The following C1GALT1 variants were observed in gnomAD, a reference collection of about 807,000 sequenced individuals.
C1GALT1 encodes the protein core 1 synthase, glycoprotein-N-acetylgalactosamine 3-beta-galactosyltransferase 1, also known as glycoprotein-N-acetylgalactosamine 3-beta-galactosyltransferase 1.
C1GALT1 carries 11 observed loss-of-function variants against 31.0 expected under a neutral mutation model. That is an observed-to-expected ratio of 0.36 (90% CI 0.22 to 0.59). The LOEUF is 0.59. Ranked by LOEUF, C1GALT1 falls within the 20% of genes least tolerant of loss-of-function variation. The pLI is 0.79. For synonymous variants in C1GALT1, 175 were observed against 143.6 expected, an observed-to-expected ratio of 1.22 and a Z score of -1.56; for missense variants, 424 against 425.2, an observed-to-expected ratio of 1.00 and a Z score of 0.03.
chr7:7,235,638 T>C (rs985759692), intron 2 of C1GALT1, among the ~76,000 whole-genome samples: 1 of 152,306 alleles, frequency 6.6e-6, no homozygotes, highest in Admixed American at 6.5e-5. Flanking sequence ...TACATACTTG[T>C]CCAGCTCAGT....
intron 1 of C1GALT1, among the ~76,000 whole-genome samples, chr7:7,197,419 G>C (rs1232407159): frequency 6.6e-6 from 1 of 151,986 alleles, no homozygotes; most frequent in Non-Finnish European, 1.5e-5. Flanking sequence ...TTTTGTACCA[G>C]TACCATGCTG....
chr7:7,211,417 A>C (rs180991580), intron 1 of C1GALT1, among the ~76,000 whole-genome samples: 6 of 152,308 alleles, frequency 3.9e-5, no homozygotes, highest in Non-Finnish European at 8.8e-5. Context: ...AACCCAAAAA[A>C]AGTCCTAGCA....
intron 1 of C1GALT1, among the ~76,000 whole-genome samples, chr7:7,207,270 C>G (rs930443323): frequency 6.8e-6 from 1 of 146,008 alleles, no homozygotes; most frequent in Non-Finnish European, 1.5e-5. Flanking sequence ...TTGTACTTTT[C>G]GGCTTCAGAA....
chr7:7,174,379 TAACAACGAGCCC>T (rs1780483958), intron 2 of C1GALT1, among the ~76,000 whole-genome samples: 1 of 152,206 alleles, frequency 6.6e-6, no homozygotes, highest in Non-Finnish European at 1.5e-5. Flanking sequence ...TCTGGGTAAA[TAACAACGAGCCC>T]AACTGCTGGA....
At chr7:7,162,209 C>T (rs1366914079) in intron 2 of C1GALT1, among the ~76,000 whole-genome samples, 1 of 150,054 alleles carries the variant, frequency 6.7e-6, no homozygotes, top group African/African-American at 2.5e-5. Flanking sequence ...TGGTGTGCTG[C>T]ACCCATTAAC....
chr7:7,198,234 T>C (rs1276212820), intron 1 of C1GALT1, among the ~76,000 whole-genome samples: 2 of 152,242 alleles, frequency 1.3e-5, no homozygotes, highest in Non-Finnish European at 2.9e-5. Context: ...TGAGAGTTTT[T>C]AGCATGAAGG....
chr7:7,199,860 A>C (rs945081994), intron 1 of C1GALT1, among the ~76,000 whole-genome samples: 1 of 152,134 alleles, frequency 6.6e-6, no homozygotes, highest in African/African-American at 2.4e-5. Flanking sequence ...CTAGGATTGC[A>C]GCCCTTGCTT....
At chr7:7,182,408 C>G (rs1780622851), upstream of C1GALT1, 1 of 152,276 alleles carries the variant, frequency 6.6e-6, no homozygotes, top group African/African-American at 2.4e-5. Flanking sequence ...ATCCGACTTC[C>G]CAGACCCCTT....
At chr7:7,187,340 C>A (rs556450444) in intron 1 of C1GALT1, among the ~76,000 whole-genome samples, 1 of 151,974 alleles carries the variant, frequency 6.6e-6, no homozygotes, top group Non-Finnish European at 1.5e-5. Context: ...AGCTCTGCCT[C>A]CTGGGTTCAC....
At chr7:7,242,415 A>G (rs1783674141) in intron 3 of C1GALT1, among the ~76,000 whole-genome samples, 1 of 152,076 alleles carries the variant, frequency 6.6e-6, no homozygotes, top group Admixed American at 6.5e-5. Flanking sequence ...GTTTAGAGAT[A>G]ACAGCAGAGA....
At chr7:7,231,262 G>C (rs1783060889) in intron 1 of C1GALT1, among the ~76,000 whole-genome samples, 1 of 151,896 alleles carries the variant, frequency 6.6e-6, no homozygotes, top group Admixed American at 6.6e-5. Flanking sequence ...TCTGTCCTTG[G>C]TTTTCAGTAG....
At chr7:7,158,273 G>A (rs1424534074) in intron 2 of C1GALT1, among the ~76,000 whole-genome samples, 1 of 152,166 alleles carries the variant, frequency 6.6e-6, no homozygotes, top group Non-Finnish European at 1.5e-5. Flanking sequence ...GTGATCTACT[G>A]CAGGGCTCTA....
intron 2 of C1GALT1, 28 bp downstream of exon 2, chr7:7,234,567 C>A: frequency 1.3e-6 from 2 of 1,532,790 alleles, no homozygotes; most frequent in South Asian, 1.1e-5. Flanking sequence ...AAGCAGTAAA[C>A]ATAAGCAGTA....
rs749452601 is a variant in C1GALT1, at chr7:7,238,781, T to C, written c.747T>C (p.Ile249=). 87 of 1,613,744 alleles carry C rather than the reference T, an allele frequency of 5.4e-5. No individual in the cohort carries two copies. Among genetic ancestry groups the C allele is most frequent in the Non-Finnish European group, 6.9e-5 (82 of 1,179,918 alleles). The change falls in exon 3 of 4, where the codon ATT becomes ATC. Residue 249 remains isoleucine (I), a synonymous_variant. Coordinates refer to ENST00000436587, the MANE Select transcript of C1GALT1 (RefSeq NM_020156.5). This position sits in a 1 kb window ranked among gnomAD's most constrained non-coding sequence, Gnocchi z 5.2. ...TAGCACTGGGGAGATGCATGGAAAT[T>C]ATGAATGTAGAAGCAGGAGATTCCA... ...EDLALGRCME[I]MNVEAGDSRD... is the part of the protein sequence containing the mutation.
chr7:7,177,863 C>T (rs115049543), upstream of C1GALT1: 870 of 154,198 alleles, frequency 5.6e-3, 7 homozygotes, highest in African/African-American at 0.019. Flanking sequence ...ATCTCATTGA[C>T]TGCCTTTTGG....
At chr7:7,202,269 C>A (rs577554298) in intron 1 of C1GALT1, among the ~76,000 whole-genome samples, 6 of 152,108 alleles carry the variant, frequency 3.9e-5, no homozygotes, top group African/African-American at 1.4e-4. Context: ...GGTACGTTCC[C>A]GTGGTAGTAG....
At position 7,244,793 on chromosome 7, in the gene C1GALT1, ATTAT is replaced by A. The variant is rs1203599671; in HGVS notation, c.*1070_*1073del. 2 of 152,202 alleles carry A rather than the reference ATTAT, an allele frequency of 1.3e-5. No individual in the cohort carries two copies. Among genetic ancestry groups the A allele is most frequent in the African/African-American group, 2.4e-5 (1 of 41,458 alleles). The allele number at this position is 152,202 out of a possible 1,614,324, so 9.4% of individuals were successfully genotyped here. A position where few individuals can be genotyped will look rare whatever the true frequency, so the allele number is the denominator to read the frequency against. The stretch of plus-strand genomic sequence containing the variant: ...GGTGGCTATTAGTTACAGTGGCAAG[ATTAT>A]TTAGAAAGCAAGATTTTGATGAGAA... On this transcript the variant is annotated 3_prime_UTR_variant, in exon 4 of 4. Transcript: ENST00000436587.
intron 3 of C1GALT1, among the ~76,000 whole-genome samples, chr7:7,240,254 A>G (rs1221622861): frequency 6.6e-6 from 1 of 152,178 alleles, no homozygotes; most frequent in Non-Finnish European, 1.5e-5. Flanking sequence ...AACCTACTAA[A>G]TGCTAAACAT....
At chr7:7,221,645 T>TA (rs1466662997) in intron 1 of C1GALT1, among the ~76,000 whole-genome samples, 2 of 152,236 alleles carry the variant, frequency 1.3e-5, no homozygotes, top group Non-Finnish European at 2.9e-5. Context: ...ACTGGAGTGA[T>TA]ATATTGCTCA....
Sources: gnomAD v4.1 joint callset for allele counts (sites outside exome capture counted in the v4.1 genomes callset) on GRCh38, gnomAD v4.1.1 for gene constraint, Gnocchi (gnomAD v3.1) non-coding constraint, MANE v1.5 for transcripts, NCBI Gene and HGNC (gene_info 2026-07-23, HGNC 2026-07-21) for gene names.